Variants in IL12RB1 observed in about 807,000 individuals in gnomAD.
IL12RB1 encodes the protein interleukin 12 receptor subunit beta 1.
Under a neutral mutation model 94.4 loss-of-function variants are expected in IL12RB1, and 64 were observed. The observed-to-expected ratio is 0.68, with a 90% CI of 0.55 to 0.83. IL12RB1 has a LOEUF of 0.83. Ranked by LOEUF, IL12RB1 falls within the 40% of genes least tolerant of loss-of-function variation. The pLI, the probability that IL12RB1 is intolerant of heterozygous loss-of-function variation, is 0.00. For missense variants in IL12RB1, 814 were observed against 855.6 expected (o/e 0.95, Z 0.61); for synonymous variants, 362 against 355.5 (o/e 1.02, Z -0.21).
chr19:18,073,343 C>T (rs1021309276), intron 8 of IL12RB1, among the ~76,000 whole-genome samples, 174 bp downstream of exon 8: 8 of 152,090 alleles, frequency 5.3e-5, no homozygotes, highest in African/African-American at 1.9e-4. Flanking sequence ...CTCCTGCTCA[C>T]ACACACACTC....
rs1024957624 is a variant in IL12RB1, at chr19:18,086,851, A to G, written c.-28T>C. ...GATCCACGTAGAGCCCCACAGCCCCAGGGGAGCCTCTCTGCCACCTGCGAG... is the reference window on the plus strand; with the variant it reads ...GATCCACGTAGAGCCCCACAGCCCCGGGGGAGCCTCTCTGCCACCTGCGAG... On this transcript the variant is annotated 5_prime_UTR_variant, in exon 1 of 17. Transcript: ENST00000593993. The G allele has an allele frequency of 1.0e-5, 16 of 1,600,996 alleles. No homozygotes were observed. Among genetic ancestry groups the G allele is most frequent in the Non-Finnish European group, 1.4e-5 (16 of 1,173,764 alleles).
At chr19:18,093,757 C>A (rs1380261552) in intron 1 of IL12RB1, among the ~76,000 whole-genome samples, 1 of 152,152 alleles carries the variant, frequency 6.6e-6, no homozygotes, top group Admixed American at 6.5e-5. Context: ...TGCCCAGAGT[C>A]AGAACAATTG....
In IL12RB1 at chr19:18,059,905, A is replaced by C; in HGVS notation, c.1972T>G (p.Cys658Gly). 6.4e-7 allele frequency: 1 copy of C among 1,574,190 alleles called. No homozygotes were observed. The highest frequency in any genetic ancestry group is 1.4e-5 in the African/African-American group (1 of 71,494). The change falls in exon 16 of 17, where the codon TGC (cysteine) becomes GGC (glycine). Residue 658 changes from cysteine to glycine, a missense_variant. By Grantham distance (159) the Cys-to-Gly change is radical. Coordinates refer to ENST00000593993, the MANE Select transcript of IL12RB1 (RefSeq NM_005535.3). Reference protein sequence around the residue: ...TELSLEDGDRCKAKM With the variant: ...TELSLEDGDRGKAKM ...CTGGGCCCCAGGACCTTGGCCTTGC[A>C]CCTGTCTCCATCCTCCAAGGACAAC...
At chr19:18,078,105 T>A (rs2035617083) in intron 4 of IL12RB1, among the ~76,000 whole-genome samples, 1 of 151,960 alleles carries the variant, frequency 6.6e-6, no homozygotes. Flanking sequence ...GGAGAACTTG[T>A]CTCTAAAAAA....
Position 18,082,136 on chromosome 19 carries a change from A to G in IL12RB1, c.239+14T>C, listed in dbSNP as rs376392952. 3 of 1,502,630 alleles carry G rather than the reference A, an allele frequency of 2.0e-6. No individual in the cohort carries two copies. The highest frequency in any genetic ancestry group is 2.8e-6 in the Non-Finnish European group (3 of 1,078,826). The allele number at this position is 1,502,630 out of a possible 1,614,324, so 93.1% of individuals were successfully genotyped here. Reference sequence around the variant, plus strand: ...TGGTGGGTGAGGGTTTGGGAATGGTAGAGGGGTCCTCACCAACACCGCAGG... The same window carrying G: ...TGGTGGGTGAGGGTTTGGGAATGGTGGAGGGGTCCTCACCAACACCGCAGG... On this transcript the variant is annotated intron_variant, in intron 3 of 16. Transcript: ENST00000593993.
In IL12RB1 at chr19:18,059,229, A is replaced by G. The variant is rs1408218734; in HGVS notation, c.*379T>C. The G allele has an allele frequency of 1.5e-5, 5 of 323,268 alleles. No individual in the cohort carries two copies. Among genetic ancestry groups the G allele is most frequent in the South Asian group, 3.2e-5 (1 of 31,470 alleles). The allele number at this position is 323,268 out of a possible 1,614,324, so 20.0% of individuals were successfully genotyped here. On this transcript the variant is annotated 3_prime_UTR_variant, in exon 17 of 17. Coordinates refer to ENST00000593993, the MANE Select transcript of IL12RB1 (RefSeq NM_005535.3). ...CCTATATGCCTGGATCCTCCAAGCT[A>G]CAAGACCCCGCAATGCTGCAGGGAG... is the stretch of plus-strand genomic sequence containing the variant.
chr19:18,076,901 G>T (rs1024244556), intron 5 of IL12RB1, among the ~76,000 whole-genome samples: 2 of 152,074 alleles, frequency 1.3e-5, no homozygotes, highest in Non-Finnish European at 2.9e-5. Context: ...GCAGAAAAAA[G>T]ACATTCCTGG....
intron 12 of IL12RB1, 130 bp from the exon 13 acceptor site, chr19:18,064,140 T>C (rs1481848223): frequency 1.1e-3 from 407 of 363,086 alleles, no homozygotes; most frequent in African/African-American, 7.1e-3. Context: ...CTTTCTTTCT[T>C]TTTTTTTTTT....
intron 1 of IL12RB1, among the ~76,000 whole-genome samples, chr19:18,095,469 A>C (rs1164862702): frequency 2.0e-5 from 3 of 152,212 alleles, no homozygotes; most frequent in South Asian, 4.1e-4. Context: ...AATATCCAGC[A>C]CAGGAAAATT....
At chr19:18,081,238 G>GGCACATGCCA (rs1475989606) in intron 3 of IL12RB1, among the ~76,000 whole-genome samples, 4 of 151,962 alleles carry the variant, frequency 2.6e-5, no homozygotes, top group African/African-American at 9.7e-5. Context: ...TGGGATTACA[G>GGCACATGCCA]GCACATGCCA....
Position 18,062,221 on chromosome 19 carries a change from T to C in IL12RB1, c.1675A>G (p.Ile559Val). The stretch of plus-strand genomic sequence containing the variant: ...TAGCCAAGGACGCCCACGAGAAGGA[T>C]GCTCAGGAAGCTCCCCAGGGAGGCG... ...FFASLGSFLS[I>V]LLVGVLGYLG... Residue 559 changes from isoleucine (I) to valine (V), a missense_variant, in exon 14 of 17, where the codon ATC becomes GTC. Physicochemically the swap from Ile to Val is conservative, Grantham distance 29. Coordinates refer to ENST00000593993, the MANE Select transcript of IL12RB1 (RefSeq NM_005535.3). 6.2e-7 allele frequency: 1 copy of C among 1,613,272 alleles called. No individual in the cohort carries two copies. Among genetic ancestry groups the C allele is most frequent in the South Asian group, 1.1e-5 (1 of 91,018 alleles).
intron 1 of IL12RB1, chr19:18,097,739 C>G: frequency 8.6e-7 from 1 of 1,163,284 alleles, no homozygotes; most frequent in Non-Finnish European, 1.1e-6. Flanking sequence ...GCGGCGGGGC[C>G]TGGCAGGCCG....
At chr19:18,063,673 G>A (rs923806790) in intron 13 of IL12RB1, among the ~76,000 whole-genome samples, 7 of 152,214 alleles carry the variant, frequency 4.6e-5, no homozygotes, top group Non-Finnish European at 2.9e-5. Context: ...AGGCAGGGAA[G>A]GGCCTGCATG....
chr19:18,097,883 G>A, intron 1 of IL12RB1: 1 of 1,215,984 alleles, frequency 8.2e-7, no homozygotes, highest in Non-Finnish European at 1.0e-6. Context: ...CCAAGTGGAC[G>A]CGGCCTGAAA....
chr19:18,076,414 T>C lies in IL12RB1; in HGVS notation c.550-87A>G, dbSNP rs188526451. The stretch of plus-strand genomic sequence containing the variant: ...TTACAATTAGTTATTTATTTACTTA[T>C]TTATCTGAGACACGGTCTCACTCTG... On this transcript the variant is annotated intron_variant, in intron 5 of 16. Transcript: ENST00000593993. 1.7e-4 allele frequency: 128 copies of C among 751,360 alleles called. 1 individual carries two copies. Among genetic ancestry groups the C allele is most frequent in the East Asian group, 1.5e-3 (61 of 39,596 alleles). The allele number at this position is 751,360 out of a possible 1,614,324, so 46.5% of individuals were successfully genotyped here.
At chr19:18,075,442 G>A (rs530486013) in intron 7 of IL12RB1, among the ~76,000 whole-genome samples, 54 of 151,304 alleles carry the variant, frequency 3.6e-4, no homozygotes, top group Non-Finnish European at 5.0e-4. Flanking sequence ...CGTATTTTTA[G>A]TAGAGAAGGG....
chr19:18,063,067 CTTCTTCTTCTAT>C (rs2034270946), intron 13 of IL12RB1, among the ~76,000 whole-genome samples: 1 of 105,798 alleles, frequency 9.5e-6, no homozygotes, highest in African/African-American at 4.6e-5. Context: ...TCTTCTCCTT[CTTCTTCTTCTAT>C]TTTTTTTTTT....
At chr19:18,096,114 CCTACT>C (rs2146632167) in intron 1 of IL12RB1, among the ~76,000 whole-genome samples, 1 of 152,112 alleles carries the variant, frequency 6.6e-6, no homozygotes, top group East Asian at 1.9e-4. Flanking sequence ...TGTGGTCCCA[CCTACT>C]CTGGGAGCTG....
At chr19:18,070,417 C>T in intron 9 of IL12RB1, 1 of 525,440 alleles carries the variant, frequency 1.9e-6, no homozygotes, top group Non-Finnish European at 2.4e-6. Context: ...CTAGGCCTCC[C>T]TGGCCTGACC....
Sources: allele counts gnomAD v4.1 joint callset (sites outside exome capture counted in the v4.1 genomes callset), GRCh38; gene constraint gnomAD v4.1.1; transcripts MANE v1.5; gene names NCBI Gene and HGNC (gene_info 2026-07-23, HGNC 2026-07-21).